Variants in ZNF91 observed in about 807,000 individuals in gnomAD.
The protein encoded by ZNF91 is zinc finger protein 91 (HPF7, HTF10).
ZNF91 carries 7 observed loss-of-function variants against 12.6 expected under a neutral mutation model. The ratio of observed to expected loss-of-function variants is 0.55; its 90% CI spans 0.31 to 1.04. The LOEUF is 1.04. Ranked by LOEUF, ZNF91 falls within the 50% of genes least tolerant of loss-of-function variation. ZNF91 has a pLI of 0.05. For missense variants in ZNF91, 1,217 were observed against 1,385.4 expected, an observed-to-expected ratio of 0.88 and a Z score of 1.93; for synonymous variants, 453 against 462.6, an observed-to-expected ratio of 0.98 and a Z score of 0.27.
intron 1 of ZNF91, among the ~76,000 whole-genome samples, chr19:23,329,960 CTG>C (rs2145869085): frequency 6.6e-6 from 1 of 152,302 alleles, no homozygotes; most frequent in Admixed American, 6.5e-5. Context: ...GAAAAAATAT[CTG>C]TCTCACTTGG....
intron 1 of ZNF91, among the ~76,000 whole-genome samples, chr19:23,382,295 T>C (rs1300464972): frequency 6.6e-6 from 1 of 152,164 alleles, no homozygotes; most frequent in Non-Finnish European, 1.5e-5. Context: ...TTTTGCACAC[T>C]GTGTGCACAT....
chr19:23,317,919 C>G (rs1185051175), intron 1 of ZNF91, among the ~76,000 whole-genome samples: 1 of 152,098 alleles, frequency 6.6e-6, no homozygotes, highest in Non-Finnish European at 1.5e-5. Context: ...TAATTTTATC[C>G]CTATATCTTT....
rs1568386499 is a variant in ZNF91 at position 23,362,202 on chromosome 19, GATT to G, written c.774_776del (p.Ile259del). 6.2e-7 allele frequency: 1 copy of G among 1,612,424 alleles called. No homozygotes were observed. Among genetic ancestry groups the G allele is most frequent in the Admixed American group, 1.7e-5 (1 of 59,882 alleles). On this transcript the variant is annotated inframe_deletion, in exon 4 of 4. Coordinates refer to ENST00000300619, the MANE Select transcript of ZNF91 (RefSeq NM_003430.4). ...ACTTGTAGATTTTCTCTTTAGCACA[GATT>G]ATTTTATGTGTAGTAAGGGTTGAGA...
intron 1 of ZNF91, among the ~76,000 whole-genome samples, chr19:23,393,278 T>TA (rs990795116): frequency 2.0e-5 from 3 of 151,952 alleles, no homozygotes; most frequent in Non-Finnish European, 2.9e-5. Flanking sequence ...GAATTAACTT[T>TA]AAAAAAAAGT....
chr19:23,325,176 G>A (rs926616569), intron 1 of ZNF91: 7 of 151,668 alleles, frequency 4.6e-5, no homozygotes, highest in Admixed American at 6.6e-5. Flanking sequence ...GGATGATGAG[G>A]AGACTAAATT....
downstream of ZNF91, among the ~76,000 whole-genome samples, chr19:23,335,160 G>A (rs1045926109): frequency 2.0e-5 from 3 of 152,148 alleles, no homozygotes; most frequent in East Asian, 3.9e-4. Context: ...AACAGCAAAT[G>A]TTGCTGCCTG....
At chr19:23,370,006 A>T (rs951916966) in intron 3 of ZNF91, among the ~76,000 whole-genome samples, 7 of 150,934 alleles carry the variant, frequency 4.6e-5, no homozygotes, top group African/African-American at 1.7e-4. Context: ...ATCAATAAAA[A>T]AAAAAAAAAA....
At chr19:23,372,677 A>C (rs1450641780) in intron 3 of ZNF91, among the ~76,000 whole-genome samples, 1 of 152,194 alleles carries the variant, frequency 6.6e-6, no homozygotes, top group African/African-American at 2.4e-5. Context: ...GCCCTTCCAG[A>C]GGCCTGGAGG....
intron 1 of ZNF91, among the ~76,000 whole-genome samples, chr19:23,382,533 T>C (rs190511302): frequency 4.5e-4 from 68 of 152,290 alleles, no homozygotes; most frequent in Non-Finnish European, 7.8e-4. Context: ...ATATTCCTAA[T>C]AGGTATCTAC....
chr19:23,318,669 C>T (rs1568365919), intron 1 of ZNF91, among the ~76,000 whole-genome samples: 1 of 151,880 alleles, frequency 6.6e-6, no homozygotes, highest in African/African-American at 2.4e-5. Flanking sequence ...GAGATTATCA[C>T]GTCTCTGATT....
chr19:23,368,762 A>G (rs1233080954), intron 3 of ZNF91, among the ~76,000 whole-genome samples: 1 of 152,038 alleles, frequency 6.6e-6, no homozygotes, highest in Non-Finnish European at 1.5e-5. Flanking sequence ...TACATGTGAT[A>G]AGTGTGAATA....
At chr19:23,326,339 T>A (rs1967837007) in intron 1 of ZNF91, 1 of 152,188 alleles carries the variant, frequency 6.6e-6, no homozygotes, top group East Asian at 1.9e-4. Flanking sequence ...TTATTTTACT[T>A]GTTTGAGAGG....
Position 23,360,076 on chromosome 19 carries a change from C to T in ZNF91, c.2903G>A (p.Cys968Tyr), listed in dbSNP as rs1968664540. The T allele has an allele frequency of 3.1e-6, 5 of 1,613,438 alleles. No homozygotes were observed. The highest frequency in any genetic ancestry group is 1.3e-5 in the African/African-American group (1 of 75,024). The change falls in exon 4 of 4, where the codon TGT becomes TAT. Residue 968 changes from cysteine (C) to tyrosine (Y), a missense_variant. By Grantham distance (194) the Cys-to-Tyr change is radical. Around this residue, in one of 2 missense-constraint regions of ZNF91, gnomAD observed 491 missense variants for 489.8 expected, o/e 1.00. Transcript: ENST00000300619. Reference protein sequence around the residue: ...IIHTGEKPYKCEECGKAFRKS... With the variant: ...IIHTGEKPYKYEECGKAFRKS... ...CCTAAAAGCTTTGCCACATTCTTCA[C>T]ATTTGTAGGGTTTCTCTCCAGTATG... is the stretch of plus-strand genomic sequence containing the variant.
intron 3 of ZNF91, among the ~76,000 whole-genome samples, chr19:23,344,316 G>A (rs1172797230): frequency 6.6e-6 from 1 of 151,928 alleles, no homozygotes; most frequent in African/African-American, 2.4e-5. Flanking sequence ...GGATGGTCTC[G>A]ATCTCCTGAC....
intron 1 of ZNF91, among the ~76,000 whole-genome samples, chr19:23,322,789 ACCT>A (rs1967731093): frequency 2.6e-5 from 1 of 38,838 alleles, no homozygotes; most frequent in African/African-American, 1.3e-4. Flanking sequence ...CTTCTTCCTC[ACCT>A]CCTCCTCCAT....
intron 1 of ZNF91, among the ~76,000 whole-genome samples, chr19:23,375,131 T>G (rs979531921): frequency 6.6e-6 from 1 of 152,042 alleles, no homozygotes; most frequent in Non-Finnish European, 1.5e-5. Flanking sequence ...TCAGACACAA[T>G]AGACACGTTG....
At chr19:23,378,823 T>C (rs1969597682) in intron 1 of ZNF91, among the ~76,000 whole-genome samples, 1 of 152,178 alleles carries the variant, frequency 6.6e-6, no homozygotes, top group Non-Finnish European at 1.5e-5. Context: ...TCTTGCATGG[T>C]AGGGACCATG....
chr19:23,352,220 C>T (rs370074531), intron 3 of ZNF91, among the ~76,000 whole-genome samples: 23 of 152,266 alleles, frequency 1.5e-4, no homozygotes, highest in African/African-American at 4.6e-4. Context: ...AAGTGAGACC[C>T]GCTCTTTGGT....
chr19:23,387,787 A>G (rs1969923190), intron 1 of ZNF91, among the ~76,000 whole-genome samples: 1 of 151,944 alleles, frequency 6.6e-6, no homozygotes, highest in South Asian at 2.1e-4. Flanking sequence ...TAAAAATACA[A>G]AAATTAGTCG....
Sources: allele counts gnomAD v4.1 joint callset (sites outside exome capture counted in the v4.1 genomes callset), GRCh38; gene constraint gnomAD v4.1.1; regional missense constraint gnomAD v4.1.1; transcripts MANE v1.5; gene names NCBI Gene and HGNC (gene_info 2026-07-23, HGNC 2026-07-21).